Variants in RAB18 observed in about 807,000 individuals in gnomAD.
RAB18 encodes RAB18, member RAS oncogene family.
A neutral mutation model predicts 28.5 loss-of-function variants in RAB18; 10 were observed. That is an observed-to-expected ratio of 0.35 (90% CI 0.22 to 0.60). The LOEUF is 0.60. Among genes scored for constraint, RAB18 ranks in the 20% least tolerant of loss-of-function variants. RAB18 has a pLI of 0.78. For missense variants in RAB18, 188 were observed against 244.2 expected (o/e 0.77, Z 1.53); for synonymous variants, 93 against 86.9 (o/e 1.07, Z -0.39).
rs558244526 is a variant in RAB18 at position 27,538,686 on chromosome 10, G to T, written c.*635G>T. On this transcript the variant is annotated 3_prime_UTR_variant, in exon 7 of 7. Coordinates refer to ENST00000356940, the MANE Select transcript of RAB18 (RefSeq NM_021252.5). ...TTAATTTACTTCAATGATTAGCTCA[G>T]TTGCTTAACTGGAGTTTTAATCCTG... The T allele has an allele frequency of 6.6e-6, 3 of 454,018 alleles. No individual in the cohort carries two copies. The highest frequency in any genetic ancestry group is 6.0e-5 in the African/African-American group (3 of 49,986). 28.1% of individuals were successfully genotyped at this position (454,018 alleles called of 1,614,324 possible). A position where few individuals can be genotyped will look rare whatever the true frequency, so the allele number is the denominator to read the frequency against.
intron 6 of RAB18, 131 bp downstream of exon 6, chr10:27,534,125 A>G (rs1016920779): frequency 3.7e-6 from 3 of 817,256 alleles, no homozygotes; most frequent in Non-Finnish European, 4.1e-6. Context: ...CTTGTGTTAC[A>G]AAATCTAACT....
At chr10:27,534,606 G>GCCCTTTACAGAAAGAGTTTGCCAA (rs1399930878) in intron 6 of RAB18, among the ~76,000 whole-genome samples, 1 of 152,140 alleles carries the variant, frequency 6.6e-6, no homozygotes, top group Admixed American at 6.5e-5. Context: ...TTTCTATCTG[G>GCCCTTTACAGAAAGAGTTTGCCAA]CCCTTTACAG....
chr10:27,517,474 A>G (rs751703689), intron 2 of RAB18, among the ~76,000 whole-genome samples: 5 of 152,226 alleles, frequency 3.3e-5, no homozygotes, highest in Non-Finnish European at 5.9e-5. Context: ...AATTGGACTA[A>G]CAAAATCAGC....
chr10:27,530,204 A>C (rs1028098343), intron 3 of RAB18, among the ~76,000 whole-genome samples: 18 of 152,024 alleles, frequency 1.2e-4, no homozygotes, highest in Non-Finnish European at 2.5e-4. Flanking sequence ...CTGTTATCAA[A>C]AAGTCTTGGG....
rs777907433 is a variant in RAB18 at position 27,541,447 on chromosome 10, A to G, written c.*3396A>G. On this transcript the variant is annotated 3_prime_UTR_variant, in exon 7 of 7. Transcript: ENST00000356940. ...CATTTTACTGTTTTGTTGCTAGCTT[A>G]TTGTTTCATACTTGGGAATCAGTCA... 3 of 451,746 alleles carry G rather than the reference A, an allele frequency of 6.6e-6. No individual in the cohort carries two copies. Among genetic ancestry groups the G allele is most frequent in the South Asian group, 4.7e-5 (3 of 64,396 alleles). 28.0% of individuals were successfully genotyped at this position (451,746 alleles called of 1,614,324 possible). A position where few individuals can be genotyped will look rare whatever the true frequency, so the allele number is the denominator to read the frequency against.
intron 2 of RAB18, among the ~76,000 whole-genome samples, chr10:27,521,937 A>C (rs1834567496): frequency 6.6e-6 from 1 of 151,490 alleles, no homozygotes; most frequent in African/African-American, 2.4e-5. Context: ...GGAAGGGGAG[A>C]CGCATGGAAG....
rs1834934892 is a variant in RAB18 at position 27,537,965 on chromosome 10, G to A, written c.535G>A (p.Glu179Lys). 6.2e-7 allele frequency: 1 copy of A among 1,614,034 alleles called. No individual in the cohort carries two copies. Among genetic ancestry groups the A allele is most frequent in the African/African-American group, 1.3e-5 (1 of 74,938 alleles). The part of the protein sequence containing the change: ...IIQTPGLWES[E>K]NQNKGVKLSH... ...TCAGACCCCTGGACTGTGGGAAAGT[G>A]AGAACCAGAATAAAGGAGTCAAACT... is the stretch of plus-strand genomic sequence containing the variant. The change falls in exon 7 of 7, where the codon GAG becomes AAG. Residue 179 changes from glutamate to lysine, a missense_variant. Transcript: ENST00000356940.
Position 27,509,916 on chromosome 10 carries a change from T to A in RAB18, c.110T>A (p.Leu37His). 1 of 1,612,374 alleles carries A rather than the reference T, an allele frequency of 6.2e-7. No individual in the cohort carries two copies. Reference sequence around the variant, plus strand: ...ACAGATGATACGTTTGATCCAGAACTTGCAGCAACAATAGGTAAGCCTGTG... The same window carrying A: ...ACAGATGATACGTTTGATCCAGAACATGCAGCAACAATAGGTAAGCCTGTG... ...RFTDDTFDPELAATIGVDFKV... is the reference protein window; with the variant it reads ...RFTDDTFDPEHAATIGVDFKV... Residue 37 changes from leucine (L) to histidine (H), a missense_variant, in exon 2 of 7, where the codon CTT becomes CAT. Leu to His is a moderately conservative substitution (Grantham distance 99). Transcript: ENST00000356940.
chr10:27,513,039 T>A (rs1449478251), intron 2 of RAB18, among the ~76,000 whole-genome samples: 31 of 133,728 alleles, frequency 2.3e-4, no homozygotes, highest in African/African-American at 1.1e-4. Flanking sequence ...TATATTTTTT[T>A]TTTTTTTTTG....
intron 2 of RAB18, among the ~76,000 whole-genome samples, chr10:27,517,678 C>A (rs1409354126): frequency 6.6e-6 from 1 of 152,134 alleles, no homozygotes; most frequent in African/African-American, 2.4e-5. Context: ...GAGTTCATAG[C>A]AGCATTTTTT....
At chr10:27,511,012 A>G (rs1834312876) in intron 2 of RAB18, among the ~76,000 whole-genome samples, 1 of 152,178 alleles carries the variant, frequency 6.6e-6, no homozygotes. Context: ...TGTAGACATG[A>G]TGTCTTCAAC....
At chr10:27,535,004 A>G (rs975124149) in intron 6 of RAB18, among the ~76,000 whole-genome samples, 1 of 152,222 alleles carries the variant, frequency 6.6e-6, no homozygotes, top group Non-Finnish European at 1.5e-5. Context: ...TGGAGCTTAC[A>G]TTCTAGTAAG....
chr10:27,540,572 AAGTT>A lies in RAB18; in HGVS notation c.*2523_*2526del, dbSNP rs746504303. On this transcript the variant is annotated 3_prime_UTR_variant, in exon 7 of 7. Transcript: ENST00000356940. ...CTACCTCATAAGTCATGTGACATAA[AAGTT>A]AAGGTAGTGGAGTAGGTGGTCTTAT... is the stretch of plus-strand genomic sequence containing the variant. 5.3e-5 allele frequency: 24 copies of A among 453,978 alleles called. No homozygotes were observed. Among genetic ancestry groups the A allele is most frequent in the Non-Finnish European group, 8.8e-5 (20 of 226,772 alleles). The allele number at this position is 453,978 out of a possible 1,614,324, so 28.1% of individuals were successfully genotyped here. A position where few individuals can be genotyped will look rare whatever the true frequency, so the allele number is the denominator to read the frequency against.
chr10:27,541,967 C>T lies in RAB18; in HGVS notation c.*3916C>T, dbSNP rs1324061403. ...ATGGTTCAGGGGTAGGCACCTGACC[C>T]AGACCAGACTACTGAGATAAAGATG... On this transcript the variant is annotated 3_prime_UTR_variant, in exon 7 of 7. Transcript: ENST00000356940. 1 of 454,078 alleles carries T rather than the reference C, an allele frequency of 2.2e-6. No individual in the cohort carries two copies. The highest frequency in any genetic ancestry group is 1.6e-5 in the South Asian group (1 of 64,476). 28.1% of individuals were successfully genotyped at this position (454,078 alleles called of 1,614,324 possible).
chr10:27,510,055 T>A (rs1834295856), intron 2 of RAB18, 125 bp downstream of exon 2: 2 of 766,644 alleles, frequency 2.6e-6, no homozygotes, highest in East Asian at 5.2e-5. Flanking sequence ...AAATCTTATT[T>A]GTCCTTCAAG....
chr10:27,522,354 G>C (rs1294844969), intron 2 of RAB18, among the ~76,000 whole-genome samples: 1 of 152,048 alleles, frequency 6.6e-6, no homozygotes, highest in East Asian at 1.9e-4. Flanking sequence ...TATTTTGTCT[G>C]ATTTTAGAAT....
At chr10:27,526,744 CT>C in intron 2 of RAB18, 83 bp from the exon 3 acceptor site, 1 of 1,570,610 alleles carries the variant, frequency 6.4e-7, no homozygotes, top group Non-Finnish European at 8.7e-7. Context: ...ATAATAGTGA[CT>C]TTTCTGTTTT....
chr10:27,510,099 T>G (rs879489609), intron 2 of RAB18, 169 bp downstream of exon 2: 30 of 636,768 alleles, frequency 4.7e-5, no homozygotes, highest in Non-Finnish European at 7.5e-5. Flanking sequence ...CTTTGAAGCC[T>G]TTCTAGATCT....
chr10:27,538,774 A>G lies in RAB18; in HGVS notation c.*723A>G. The G allele has an allele frequency of 2.2e-6, 1 of 454,106 alleles. No individual in the cohort carries two copies. The highest frequency in any genetic ancestry group is 4.4e-6 in the Non-Finnish European group (1 of 226,780). The allele number at this position is 454,106 out of a possible 1,614,324, so 28.1% of individuals were successfully genotyped here. ...TAGTTATGTGGTGTTTGGCAGAATG[A>G]CAATAAGGTTTTCCCCCATTTTGGT... is the stretch of plus-strand genomic sequence containing the variant. On this transcript the variant is annotated 3_prime_UTR_variant, in exon 7 of 7. Transcript: ENST00000356940.
Sources: gnomAD v4.1 joint callset for allele counts (sites outside exome capture counted in the v4.1 genomes callset) on GRCh38, gnomAD v4.1.1 for gene constraint, MANE v1.5 for transcripts, NCBI Gene and HGNC (gene_info 2026-07-23, HGNC 2026-07-21) for gene names.